Variants in TCF7L2 observed in about 807,000 individuals in gnomAD.
TCF7L2 encodes transcription factor 7-like 2.
TCF7L2 carries 23 observed loss-of-function variants against 77.9 expected under a neutral mutation model. The observed-to-expected ratio is 0.30, with a 90% CI of 0.21 to 0.42. The LOEUF is 0.42. Ranked by LOEUF, TCF7L2 falls within the 10% of genes least tolerant of loss-of-function variation. TCF7L2 has a pLI of 1.00. For missense variants in TCF7L2, 654 were observed against 793.1 expected, an observed-to-expected ratio of 0.82 and a Z score of 2.11; for synonymous variants, 413 against 340.2, an observed-to-expected ratio of 1.21 and a Z score of -2.36.
intron 4 of TCF7L2, among the ~76,000 whole-genome samples, chr10:113,004,768 G>C (rs2045213132): frequency 1.3e-5 from 2 of 152,024 alleles, no homozygotes; most frequent in Non-Finnish European, 1.5e-5. Flanking sequence ...CGCCTCCCGG[G>C]TTCAAGCGAT....
chr10:113,042,179 C>G (rs11196200), intron 5 of TCF7L2, among the ~76,000 whole-genome samples: 79,476 of 152,124 alleles, frequency 0.52, 23,206 homozygotes, highest in African/African-American at 0.77. Context: ...GAGGAGATGG[C>G]AAAACATTCC....
rs575758973 is a variant in TCF7L2 at position 113,036,461 on chromosome 10, C to T, written c.451-3564C>T. 1.9e-4 allele frequency among the ~76,000 whole-genome samples: 29 copies of T among 152,174 alleles called. No individual in the cohort carries two copies. In the South Asian group the frequency reaches 5.8e-3, roughly 30 times the overall value. The stretch of plus-strand genomic sequence containing the variant: ...AGAGATGCTCACCTTTTTCTTTTTG[C>T]TGGCAATTTAACAGTCTTTTCAGCT... On this transcript the variant is annotated intron_variant, in intron 4 of 13. Coordinates refer to ENST00000627217, the MANE Select transcript of TCF7L2 (RefSeq NM_001146274.2).
chr10:113,158,213 G>A, intron 12 of TCF7L2, 144 bp downstream of exon 12: 1 of 787,856 alleles, frequency 1.3e-6, no homozygotes, highest in Non-Finnish European at 2.0e-6. Context: ...TTTTGTTTAT[G>A]CATTTTAATT....
chr10:113,006,560 A>G (rs2045589561), intron 4 of TCF7L2, among the ~76,000 whole-genome samples: 2 of 152,182 alleles, frequency 1.3e-5, no homozygotes, highest in Non-Finnish European at 2.9e-5. Flanking sequence ...GACCCAGATC[A>G]AGATAAGGAA....
At chr10:113,125,478 G>C (rs1367256662) in intron 5 of TCF7L2, 1 of 151,228 alleles carries the variant, frequency 6.6e-6, no homozygotes, top group Non-Finnish European at 1.5e-5. Flanking sequence ...TGATGATATT[G>C]TGGGTTTTTT....
At chr10:113,127,963 TAA>T (rs2065935427) in intron 5 of TCF7L2, among the ~76,000 whole-genome samples, 1 of 151,068 alleles carries the variant, frequency 6.6e-6, no homozygotes, top group Non-Finnish European at 1.5e-5. Context: ...CCGCACTTTA[TAA>T]GTTATTGTTG....
intron 5 of TCF7L2, among the ~76,000 whole-genome samples, chr10:113,130,594 G>T (rs1441475449): frequency 1.3e-5 from 2 of 151,982 alleles, no homozygotes; most frequent in Non-Finnish European, 2.9e-5. Flanking sequence ...GGTGTGTTTT[G>T]TAAACTTAAT....
At chr10:113,006,962 C>T (rs1014166913) in intron 4 of TCF7L2, among the ~76,000 whole-genome samples, 6 of 152,214 alleles carry the variant, frequency 3.9e-5, no homozygotes, top group South Asian at 2.1e-4. Flanking sequence ...CTTTTCCTTC[C>T]GTCCTTTATG....
At chr10:113,149,833 C>T (rs1232303717) in intron 8 of TCF7L2, among the ~76,000 whole-genome samples, 1 of 152,180 alleles carries the variant, frequency 6.6e-6, no homozygotes, top group Non-Finnish European at 1.5e-5. Context: ...AATCACCTTG[C>T]CAGGTTGGAG....
intron 5 of TCF7L2, among the ~76,000 whole-genome samples, chr10:113,137,403 A>T (rs1037904816): frequency 1.3e-5 from 2 of 152,224 alleles, no homozygotes; most frequent in Non-Finnish European, 2.9e-5. Context: ...GCAAGTTCTC[A>T]TTCAGTTTTC....
chr10:113,018,748 G>A (rs539190045), intron 4 of TCF7L2, among the ~76,000 whole-genome samples: 3 of 152,180 alleles, frequency 2.0e-5, no homozygotes, highest in African/African-American at 7.2e-5. Flanking sequence ...GATTACAGGC[G>A]TGAGCCACTG....
At chr10:113,100,656 G>A (rs902017226) in intron 5 of TCF7L2, among the ~76,000 whole-genome samples, 1 of 152,152 alleles carries the variant, frequency 6.6e-6, no homozygotes, top group Non-Finnish European at 1.5e-5. Flanking sequence ...AACTTATTGC[G>A]ACCCTCTGGG....
At chr10:113,057,247 G>T (rs1336477966) in intron 5 of TCF7L2, among the ~76,000 whole-genome samples, 1 of 152,184 alleles carries the variant, frequency 6.6e-6, no homozygotes, top group Non-Finnish European at 1.5e-5. Context: ...ATATACTTCT[G>T]CAACTTCAGC....
In TCF7L2 at chr10:113,013,840, T is replaced by A. The variant is rs1337852293; in HGVS notation, c.451-26185T>A. On this transcript the variant is annotated intron_variant, in intron 4 of 13. Transcript: ENST00000627217. ...ATTGAGATGATATTATTGGTATTTA[T>A]AGGGAACCAAACAACGCCCCATGAC... 3.9e-5 allele frequency among the ~76,000 whole-genome samples: 6 copies of A among 152,328 alleles called. No homozygotes were observed. The East Asian group carries it at 1.2e-3, about 29-fold the overall frequency.
intron 4 of TCF7L2, among the ~76,000 whole-genome samples, chr10:113,033,568 A>G (rs1028258892): frequency 6.6e-6 from 1 of 152,000 alleles, no homozygotes; most frequent in African/African-American, 2.4e-5. Context: ...CTATGGCTTT[A>G]TTCTTTCTCC....
chr10:113,015,436 G>A (rs960566757), intron 4 of TCF7L2, among the ~76,000 whole-genome samples: 1 of 148,024 alleles, frequency 6.8e-6, no homozygotes, highest in African/African-American at 2.5e-5. Flanking sequence ...GGCTTTTCCT[G>A]CCTGATGAGC....
At chr10:112,988,133 C>T (rs1239516944) in intron 4 of TCF7L2, among the ~76,000 whole-genome samples, 2 of 151,224 alleles carry the variant, frequency 1.3e-5, no homozygotes, top group Non-Finnish European at 2.9e-5. Flanking sequence ...CAGAGTCTTG[C>T]TCTTGTTGCC....
chr10:113,036,896 C>G (rs368086056), intron 4 of TCF7L2, among the ~76,000 whole-genome samples: 1 of 151,908 alleles, frequency 6.6e-6, no homozygotes, highest in East Asian at 1.9e-4. Context: ...TTTCCCTCCC[C>G]CAAAAGGATA....
chr10:112,992,489 C>T (rs555986144), intron 4 of TCF7L2, among the ~76,000 whole-genome samples: 38 of 152,190 alleles, frequency 2.5e-4, no homozygotes, highest in South Asian at 1.2e-3. Context: ...GAGTGCTGGG[C>T]GAACATTTCT....
Sources: gnomAD v4.1 joint callset for allele counts (sites outside exome capture counted in the v4.1 genomes callset) on GRCh38, gnomAD v4.1.1 for gene constraint, MANE v1.5 for transcripts, NCBI Gene and HGNC (gene_info 2026-07-23, HGNC 2026-07-21) for gene names.